Variants in UTRN observed in about 807,000 individuals in gnomAD.
The protein encoded by UTRN is dystrophin-related protein 1.
In UTRN, 283 loss-of-function variants were observed where a neutral mutation model predicts 463.9. That is an observed-to-expected ratio of 0.61 (90% CI 0.55 to 0.67). The LOEUF is 0.67. UTRN is among the 30% of genes least tolerant of loss of function. The pLI is 0.00. For synonymous variants in UTRN, 1,442 were observed against 1,431.5 expected (o/e 1.01, Z -0.17); for missense variants, 3,922 against 4,084.3 (o/e 0.96, Z 1.08).
At chr6:144,756,687 C>G (rs1792029610) in intron 57 of UTRN, among the ~76,000 whole-genome samples, 1 of 152,080 alleles carries the variant, frequency 6.6e-6, no homozygotes, top group Non-Finnish European at 1.5e-5. Flanking sequence ...TGTAACATAC[C>G]TACTTCCTCA....
intron 2 of UTRN, among the ~76,000 whole-genome samples, chr6:144,393,752 G>A (rs941544226): frequency 6.6e-6 from 1 of 151,952 alleles, no homozygotes; most frequent in Non-Finnish European, 1.5e-5. Context: ...GAGAAAGAGG[G>A]GGAGAGTCTT....
chr6:144,367,182 A>C (rs1779587245), intron 2 of UTRN, among the ~76,000 whole-genome samples: 1 of 152,020 alleles, frequency 6.6e-6, no homozygotes, highest in Non-Finnish European at 1.5e-5. Context: ...ATGGGGTTTC[A>C]CCATGTTGGC....
At chr6:144,517,046 C>A in intron 39 of UTRN, 98 bp downstream of exon 39, 1 of 1,075,462 alleles carries the variant, frequency 9.3e-7, no homozygotes. Flanking sequence ...TAAAACACAC[C>A]AGTTGGAATA....
intron 2 of UTRN, among the ~76,000 whole-genome samples, chr6:144,337,718 G>T (rs2114622041): frequency 6.6e-6 from 1 of 152,246 alleles, no homozygotes; most frequent in East Asian, 1.9e-4. Flanking sequence ...TGGTTCAAGT[G>T]ATTCCCATGC....
At chr6:144,605,619 G>A (rs1041066729) in intron 51 of UTRN, among the ~76,000 whole-genome samples, 5 of 150,606 alleles carry the variant, frequency 3.3e-5, no homozygotes, top group African/African-American at 9.8e-5. Flanking sequence ...ACTTTAAAAC[G>A]CTACAGTCCT....
intron 12 of UTRN, among the ~76,000 whole-genome samples, chr6:144,439,225 T>C (rs1786888176): frequency 6.6e-6 from 1 of 152,194 alleles, no homozygotes; most frequent in Non-Finnish European, 1.5e-5. Context: ...GAAGAGCAAA[T>C]TCTTCGTCTA....
In UTRN at chr6:144,549,763, G is replaced by A. The variant is rs7772124; in HGVS notation, c.6810+909G>A. ...TAGGGAACAGAGTGAATAAAGTCAT[G>A]TGGTACAGGAGGCACAAAGGACAGT... On this transcript the variant is annotated intron_variant, in intron 47 of 74. Coordinates refer to ENST00000367545, the MANE Select transcript of UTRN (RefSeq NM_007124.3). Among the ~76,000 whole-genome samples, 582 of 152,304 alleles carry A rather than the reference G, an allele frequency of 3.8e-3. 1 individual carries two copies. Among genetic ancestry groups the A allele is most frequent in the African/African-American group, 0.014 (564 of 41,562 alleles).
chr6:144,488,765 G>A lies in UTRN; in HGVS notation c.4065G>A (p.Glu1355=). 1 of 1,612,974 alleles carries A rather than the reference G, an allele frequency of 6.2e-7. No homozygotes were observed. Among genetic ancestry groups the A allele is most frequent in the Non-Finnish European group, 8.5e-7 (1 of 1,179,316 alleles). Residue 1355 remains glutamate, a synonymous_variant, in exon 30 of 75, where the codon GAG becomes GAA. Coordinates refer to ENST00000367545, the MANE Select transcript of UTRN (RefSeq NM_007124.3). The stretch of plus-strand genomic sequence containing the variant: ...AAGTCTTGCAAGAGAGCTTGGGGGA[G>A]CTGGACAAACAGCTCACCACATACC... The part of the protein sequence containing the change: ...MLQVLQESLG[E]LDKQLTTYLT...
intron 53 of UTRN, among the ~76,000 whole-genome samples, chr6:144,724,777 A>G (rs988303077): frequency 6.6e-6 from 1 of 152,110 alleles, no homozygotes; most frequent in Non-Finnish European, 1.5e-5. Flanking sequence ...ATTCATTTTT[A>G]TTACTGAATA....
chr6:144,450,742 C>A (rs1015973868), intron 17 of UTRN, among the ~76,000 whole-genome samples: 15 of 152,150 alleles, frequency 9.9e-5, no homozygotes, highest in African/African-American at 3.6e-4. Context: ...GATTATCTAA[C>A]CAACTCTGGT....
intron 50 of UTRN, among the ~76,000 whole-genome samples, chr6:144,560,085 T>C (rs1799727558): frequency 6.6e-6 from 1 of 152,172 alleles, no homozygotes; most frequent in Non-Finnish European, 1.5e-5. Flanking sequence ...CATCATTTCA[T>C]TTAATCTTCA....
chr6:144,840,940 A>C lies in UTRN; in HGVS notation c.10270+108A>C, dbSNP rs552794831. 1.8e-5 allele frequency: 21 copies of C among 1,138,224 alleles called. No homozygotes were observed. In the East Asian group the frequency reaches 4.8e-4, roughly 26 times the overall value. The allele number at this position is 1,138,224 out of a possible 1,614,324, so 70.5% of individuals were successfully genotyped here. On this transcript the variant is annotated intron_variant, in intron 73 of 74. Transcript: ENST00000367545. The stretch of plus-strand genomic sequence containing the variant: ...CTTAAGATAACAAAAACCTTATTAC[A>C]AACAGGACTGAATATTATTTGAAAA...
chr6:144,415,157 C>T (rs1040673538), intron 3 of UTRN, among the ~76,000 whole-genome samples: 1 of 152,190 alleles, frequency 6.6e-6, no homozygotes, highest in Non-Finnish European at 1.5e-5. Flanking sequence ...GCTATACCAT[C>T]TAGCCTAGGT....
chr6:144,406,149 C>G (rs1783373348), intron 3 of UTRN, among the ~76,000 whole-genome samples: 1 of 152,250 alleles, frequency 6.6e-6, no homozygotes, highest in African/African-American at 2.4e-5. Flanking sequence ...TTCCCCTGAA[C>G]TGGTTGTAAC....
intron 2 of UTRN, among the ~76,000 whole-genome samples, chr6:144,301,928 G>T (rs1284922638): frequency 6.6e-6 from 1 of 152,020 alleles, no homozygotes; most frequent in Non-Finnish European, 1.5e-5. Context: ...GACTGCCCAT[G>T]GTCCTTTTCT....
chr6:144,683,806 A>G (rs1427310405), intron 52 of UTRN, among the ~76,000 whole-genome samples: 3 of 152,216 alleles, frequency 2.0e-5, no homozygotes, highest in African/African-American at 7.2e-5. Context: ...AATACCAGCC[A>G]TAAACATCAA....
chr6:144,686,107 C>A (rs188173773), intron 52 of UTRN, among the ~76,000 whole-genome samples: 2 of 152,042 alleles, frequency 1.3e-5, no homozygotes, highest in Non-Finnish European at 2.9e-5. Flanking sequence ...TTTCATTCTT[C>A]CACATGTGAC....
At chr6:144,390,288 C>T (rs898036550) in intron 2 of UTRN, among the ~76,000 whole-genome samples, 2 of 152,156 alleles carry the variant, frequency 1.3e-5, no homozygotes, top group African/African-American at 4.8e-5. Flanking sequence ...TCCACCTCCC[C>T]CTTTCTTGTC....
At chr6:144,528,560 T>A (rs1010196210) in intron 41 of UTRN, among the ~76,000 whole-genome samples, 2 of 152,182 alleles carry the variant, frequency 1.3e-5, no homozygotes, top group African/African-American at 4.8e-5. Context: ...TGATTATTAT[T>A]TATCTTCTGA....
Sources: allele counts gnomAD v4.1 joint callset (sites outside exome capture counted in the v4.1 genomes callset), GRCh38; gene constraint gnomAD v4.1.1; transcripts MANE v1.5; gene names NCBI Gene and HGNC (gene_info 2026-07-23, HGNC 2026-07-21).